Variants in ADAM23 observed in about 807,000 individuals in gnomAD.
The protein encoded by ADAM23 is disintegrin and metalloproteinase domain-containing protein 23.
ADAM23 carries 33 observed loss-of-function variants against 120.1 expected under a neutral mutation model. The observed-to-expected ratio is 0.27, with a 90% CI of 0.21 to 0.37. ADAM23 has a LOEUF of 0.37. ADAM23 is among the 10% of genes least tolerant of loss of function. The probability of loss-of-function intolerance (pLI) is 1.00; values close to 1 mark genes in which losing one functional copy is unlikely to be tolerated. For missense variants in ADAM23, 862 were observed against 1,058.2 expected, an observed-to-expected ratio of 0.81 and a Z score of 2.57; for synonymous variants, 367 against 375.2, an observed-to-expected ratio of 0.98 and a Z score of 0.25.
At chr2:206,488,068 G>A (rs770115859) in intron 3 of ADAM23, among the ~76,000 whole-genome samples, 27 of 152,204 alleles carry the variant, frequency 1.8e-4, no homozygotes, top group Admixed American at 3.3e-4. Context: ...TACTTTGCTC[G>A]TTAAAAGCAG....
chr2:206,452,702 G>A (rs916124354), intron 2 of ADAM23, among the ~76,000 whole-genome samples: 7 of 152,144 alleles, frequency 4.6e-5, no homozygotes, highest in African/African-American at 1.4e-4. Flanking sequence ...CAATGGTGAT[G>A]CCCTGTGTGA....
chr2:206,619,676 CT>C lies in ADAM23; in HGVS notation c.*2051del, dbSNP rs1040380255. 8 of 152,190 alleles carry C rather than the reference CT, an allele frequency of 5.3e-5. No homozygotes were observed. Among genetic ancestry groups the C allele is most frequent in the African/African-American group, 1.9e-4 (8 of 41,438 alleles). The allele number at this position is 152,190 out of a possible 1,614,324, so 9.4% of individuals were successfully genotyped here. A position where few individuals can be genotyped will look rare whatever the true frequency, so the allele number is the denominator to read the frequency against. ...AGTATTATGTCCTAAAAATGCACTG[CT>C]TAACACAGTGGGGTTTTTTTCCCCC... is the stretch of plus-strand genomic sequence containing the variant. On this transcript the variant is annotated 3_prime_UTR_variant, in exon 26 of 26. Transcript: ENST00000264377.
rs527475726 is a variant in ADAM23 at position 206,500,305 on chromosome 2, A to C, written c.509+18997A>C. Among the ~76,000 whole-genome samples the C allele has an allele frequency of 7.8e-4, 119 of 152,226 alleles. 1 individual carries two copies. The highest frequency in any genetic ancestry group is 2.6e-3 in the African/African-American group (108 of 41,554). On this transcript the variant is annotated intron_variant, in intron 3 of 25. Transcript: ENST00000264377. ...TTTGAAGGCAACTTCCTGGTAAGTA[A>C]TGATTAAATTATATGACTCTCAAAG...
intron 3 of ADAM23, among the ~76,000 whole-genome samples, chr2:206,528,001 A>G (rs1696975689): frequency 6.6e-6 from 1 of 152,266 alleles, no homozygotes; most frequent in Non-Finnish European, 1.5e-5. Context: ...AGAGGGAAAT[A>G]GGATAATTAA....
At chr2:206,559,234 G>A (rs895303138) in intron 10 of ADAM23, among the ~76,000 whole-genome samples, 3 of 152,144 alleles carry the variant, frequency 2.0e-5, no homozygotes, top group South Asian at 2.1e-4. Context: ...GTGAGCTACC[G>A]CGCCTGGCCC....
At chr2:206,595,695 A>G (rs1306192124) in intron 23 of ADAM23, among the ~76,000 whole-genome samples, 2 of 152,214 alleles carry the variant, frequency 1.3e-5, no homozygotes, top group African/African-American at 4.8e-5. Flanking sequence ...TTACTTCTGA[A>G]CAAAGTAGAA....
intron 2 of ADAM23, among the ~76,000 whole-genome samples, chr2:206,470,159 A>G (rs1173688715): frequency 6.6e-6 from 1 of 152,144 alleles, no homozygotes; most frequent in Non-Finnish European, 1.5e-5. Flanking sequence ...TATTTGCTTA[A>G]TGAGTAAATG....
intron 22 of ADAM23, among the ~76,000 whole-genome samples, chr2:206,593,820 C>G (rs1698469800): frequency 6.6e-6 from 1 of 151,710 alleles, no homozygotes; most frequent in African/African-American, 2.4e-5. Context: ...CAAATTATAC[C>G]TAACTTTGAA....
intron 21 of ADAM23, among the ~76,000 whole-genome samples, chr2:206,591,605 T>C (rs1014148471): frequency 5.3e-5 from 8 of 152,238 alleles, no homozygotes; most frequent in Non-Finnish European, 1.2e-4. Flanking sequence ...CATGCTGCTA[T>C]GAATATTCTT....
At chr2:206,514,416 A>T (rs1696688939) in intron 3 of ADAM23, among the ~76,000 whole-genome samples, 1 of 152,144 alleles carries the variant, frequency 6.6e-6, no homozygotes, top group Admixed American at 6.5e-5. Context: ...CGTGGTAGAA[A>T]GACAGTAAGA....
intron 2 of ADAM23, among the ~76,000 whole-genome samples, chr2:206,468,995 C>G (rs374845838): frequency 6.6e-6 from 1 of 152,138 alleles, no homozygotes; most frequent in African/African-American, 2.4e-5. Flanking sequence ...CTCATGACAA[C>G]TCACTACTGC....
intron 4 of ADAM23, among the ~76,000 whole-genome samples, chr2:206,536,716 T>G (rs1697184285): frequency 6.6e-6 from 1 of 152,152 alleles, no homozygotes; most frequent in Non-Finnish European, 1.5e-5. Flanking sequence ...TACACAACTT[T>G]TTTTTTTGAG....
rs566489978 is a variant in ADAM23, at chr2:206,484,890, T to C, written c.509+3582T>C. ...GTGATAATGAATAAGTCTCACGAGATCTGATGGTTTTATGAAGGTCAGTTA... is the reference window on the plus strand; with the variant it reads ...GTGATAATGAATAAGTCTCACGAGACCTGATGGTTTTATGAAGGTCAGTTA... On this transcript the variant is annotated intron_variant, in intron 3 of 25. Coordinates refer to ENST00000264377, the MANE Select transcript of ADAM23 (RefSeq NM_003812.4). Among the ~76,000 whole-genome samples the C allele has an allele frequency of 7.2e-5, 11 of 152,242 alleles. No individual in the cohort carries two copies. In the South Asian group the frequency reaches 2.3e-3, roughly 32 times the overall value.
chr2:206,512,794 C>T (rs1194277940), intron 3 of ADAM23, among the ~76,000 whole-genome samples: 2 of 152,124 alleles, frequency 1.3e-5, no homozygotes, highest in Non-Finnish European at 1.5e-5. Context: ...TTTTGGGAGC[C>T]GTGCATTGAG....
At chr2:206,599,094 A>T (rs971246554) in intron 24 of ADAM23, among the ~76,000 whole-genome samples, 9 of 151,132 alleles carry the variant, frequency 6.0e-5, no homozygotes, top group African/African-American at 2.2e-4. Flanking sequence ...AGTACCAGAT[A>T]CTGGGGAGGC....
At chr2:206,529,970 C>T (rs749605770) in intron 3 of ADAM23, among the ~76,000 whole-genome samples, 5 of 152,014 alleles carry the variant, frequency 3.3e-5, no homozygotes, top group Admixed American at 6.5e-5. Context: ...TGCCACCACG[C>T]GCGGCTAATT....
chr2:206,579,616 GT>G (rs1698183808), intron 18 of ADAM23, among the ~76,000 whole-genome samples: 1 of 152,174 alleles, frequency 6.6e-6, no homozygotes, highest in East Asian at 1.9e-4. Flanking sequence ...GTGCCATGCT[GT>G]TTTGGTGACT....
At chr2:206,560,167 C>T in intron 11 of ADAM23, 49 bp downstream of exon 11, 1 of 1,537,628 alleles carries the variant, frequency 6.5e-7, no homozygotes, top group Non-Finnish European at 8.8e-7. Context: ...TGACATTTAT[C>T]CTTATCCCTT....
intron 3 of ADAM23, among the ~76,000 whole-genome samples, chr2:206,519,166 C>G (rs1696795447): frequency 6.6e-6 from 1 of 152,104 alleles, no homozygotes; most frequent in African/African-American, 2.4e-5. Context: ...CAGGCATTCC[C>G]CTGTGACAGG....
Sources: gnomAD v4.1 joint callset for allele counts (sites outside exome capture counted in the v4.1 genomes callset) on GRCh38, gnomAD v4.1.1 for gene constraint, MANE v1.5 for transcripts, NCBI Gene and HGNC (gene_info 2026-07-23, HGNC 2026-07-21) for gene names.